MANBA: variants seen among roughly 807,000 people sequenced by gnomAD.
The protein encoded by MANBA is mannosidase beta.
Under a neutral mutation model 111.1 loss-of-function variants are expected in MANBA, and 83 were observed. The observed-to-expected ratio is 0.75, with a 90% CI of 0.63 to 0.90. MANBA has a LOEUF of 0.90. MANBA is among the 40% of genes least tolerant of loss of function. MANBA has a pLI of 0.00. For synonymous variants in MANBA, 370 were observed against 378.7 expected, an observed-to-expected ratio of 0.98 and a Z score of 0.27; for missense variants, 1,036 against 1,069.0, an observed-to-expected ratio of 0.97 and a Z score of 0.43.
rs79753057 is a variant in MANBA, at chr4:102,668,642, C to A, written c.1317+321G>T. The A allele has an allele frequency of 6.1e-3, 1,805 of 294,286 alleles. 30 individuals carry two copies. The highest frequency in any genetic ancestry group is 0.037 in the African/African-American group (1,696 of 45,618). The allele number at this position is 294,286 out of a possible 1,614,324, so 18.2% of individuals were successfully genotyped here. On this transcript the variant is annotated intron_variant, in intron 10 of 16. Coordinates refer to ENST00000647097, the MANE Select transcript of MANBA (RefSeq NM_005908.4). ...AAGAAGCAAGATTGGGGAGGGGGTG[C>A]AATATAAGTTTAGTTTGTACATGTT...
chr4:102,734,565 G>C, intron 1 of MANBA: 2 of 1,608,026 alleles, frequency 1.2e-6, no homozygotes, highest in Non-Finnish European at 1.7e-6. Flanking sequence ...CAAGGCTACT[G>C]TTCCTTCTGT....
intron 7 of MANBA, among the ~76,000 whole-genome samples, chr4:102,680,549 T>G (rs773670027): frequency 6.7e-6 from 1 of 150,134 alleles, no homozygotes; most frequent in East Asian, 2.0e-4. Flanking sequence ...TGAGGTGAGA[T>G]GAGAAAGAAT....
chr4:102,734,455 A>G, intron 1 of MANBA: 2 of 1,605,938 alleles, frequency 1.2e-6, no homozygotes, highest in Non-Finnish European at 1.7e-6. Context: ...GCCATCTTCC[A>G]GCTCATCTGT....
intron 4 of MANBA, among the ~76,000 whole-genome samples, chr4:102,721,030 A>C (rs1269689196): frequency 2.0e-5 from 3 of 152,234 alleles, no homozygotes; most frequent in Non-Finnish European, 2.9e-5. Context: ...CAATCATTAC[A>C]TTTGTTGTTA....
intron 5 of MANBA, among the ~76,000 whole-genome samples, chr4:102,699,452 GC>G (rs1241829256): frequency 6.6e-6 from 1 of 151,752 alleles, no homozygotes; most frequent in African/African-American, 2.4e-5. Flanking sequence ...CAAAGGGAAT[GC>G]TTCCAGTTTT....
Position 102,690,585 on chromosome 4 carries a change from C to G in MANBA, c.849+11G>C. ...TTCATCCAGTGCTTCTCAGGAAGTA[C>G]CATCATTTACCTTGCTAATGTTCAC... On this transcript the variant is annotated intron_variant, in intron 6 of 16. Coordinates refer to ENST00000647097, the MANE Select transcript of MANBA (RefSeq NM_005908.4). 6.2e-7 allele frequency: 1 copy of G among 1,607,302 alleles called. No homozygotes were observed. The highest frequency in any genetic ancestry group is 8.5e-7 in the Non-Finnish European group (1 of 1,175,256).
rs370804078 is a variant in MANBA, at chr4:102,650,642, G to C, written c.1764C>G (p.His588Gln). Residue 588 changes from histidine (H) to glutamine (Q), a missense_variant, in exon 13 of 17, where the codon CAC becomes CAG. By Grantham distance (24) the His-to-Gln change is conservative. Coordinates refer to ENST00000647097, the MANE Select transcript of MANBA (RefSeq NM_005908.4). The stretch of plus-strand genomic sequence containing the variant: ...AAAGCATTTGTTTGTTACCACCTTC[G>C]TGATGTTGTCGATGAAGTGAAAACT... ...NSKFSLHRQH[H>Q]EGGNKQMLYQ... The C allele has an allele frequency of 1.2e-6, 2 of 1,613,232 alleles. No individual in the cohort carries two copies. The highest frequency in any genetic ancestry group is 4.5e-5 in the East Asian group (2 of 44,864).
intron 11 of MANBA, among the ~76,000 whole-genome samples, chr4:102,661,177 A>G (rs1730932051): frequency 6.6e-6 from 1 of 152,180 alleles, no homozygotes; most frequent in Admixed American, 6.5e-5. Context: ...GTACTACTAG[A>G]CAATGCTTTG....
intron 1 of MANBA, among the ~76,000 whole-genome samples, chr4:102,758,837 C>A (rs999465646): frequency 4.6e-5 from 7 of 152,090 alleles, no homozygotes; most frequent in African/African-American, 1.4e-4. Flanking sequence ...TGATTATTTT[C>A]AACAGGCCTT....
chr4:102,677,254 A>T (rs1444456842), intron 7 of MANBA, among the ~76,000 whole-genome samples: 1 of 152,212 alleles, frequency 6.6e-6, no homozygotes, highest in African/African-American at 2.4e-5. Context: ...AAGAAAAACA[A>T]CTAGCAGTAT....
chr4:102,722,830 G>T, intron 4 of MANBA, 41 bp downstream of exon 4: 1 of 1,587,832 alleles, frequency 6.3e-7, no homozygotes, highest in Non-Finnish European at 8.6e-7. Flanking sequence ...AGCACACCCC[G>T]TCCTCAAAAA....
At chr4:102,729,004 G>C in intron 1 of MANBA, 1 of 964,362 alleles carries the variant, frequency 1.0e-6, no homozygotes, top group Non-Finnish European at 1.7e-6. Flanking sequence ...GCTTCCTGTA[G>C]GTGGCTATCT....
At chr4:102,706,786 G>A (rs531121740) in intron 5 of MANBA, among the ~76,000 whole-genome samples, 1 of 152,178 alleles carries the variant, frequency 6.6e-6, no homozygotes, top group South Asian at 2.1e-4. Context: ...TTCTGGAACT[G>A]AAGAATCTAG....
intron 5 of MANBA, among the ~76,000 whole-genome samples, chr4:102,712,785 TC>T (rs1425519192): frequency 6.6e-6 from 1 of 152,138 alleles, no homozygotes; most frequent in Non-Finnish European, 1.5e-5. Context: ...CACTTTGGCC[TC>T]CCAAAGTGCT....
intron 15 of MANBA, among the ~76,000 whole-genome samples, 170 bp downstream of exon 15, chr4:102,635,695 G>A (rs747016768): frequency 6.6e-6 from 1 of 152,198 alleles, no homozygotes; most frequent in Non-Finnish European, 1.5e-5. Flanking sequence ...AACAAGATGT[G>A]AAGGGTTTTG....
intron 11 of MANBA, among the ~76,000 whole-genome samples, chr4:102,663,545 T>C (rs895181526): frequency 5.3e-5 from 8 of 152,232 alleles, no homozygotes; most frequent in African/African-American, 1.9e-4. Context: ...ATGACACATG[T>C]CTTAGTATAT....
intron 13 of MANBA, among the ~76,000 whole-genome samples, chr4:102,643,588 G>A (rs1560743838): frequency 6.6e-6 from 1 of 152,058 alleles, no homozygotes; most frequent in Non-Finnish European, 1.5e-5. Context: ...AAAATTTGTA[G>A]ATATTGTAGT....
Position 102,669,134 on chromosome 4 carries a change from A to C in MANBA, c.1231-85T>G, listed in dbSNP as rs1172377553. On this transcript the variant is annotated intron_variant, in intron 9 of 16. Transcript: ENST00000647097. The stretch of plus-strand genomic sequence containing the variant: ...GTCTTTATTCTGAGCTCTGGGCATT[A>C]TCTTTCACACAAATGAAAAATCCAG... The C allele has an allele frequency of 2.9e-6, 3 of 1,049,472 alleles. No individual in the cohort carries two copies. In the African/African-American group the frequency reaches 4.7e-5, roughly 17 times the overall value. 65.0% of individuals were successfully genotyped at this position (1,049,472 alleles called of 1,614,324 possible). A position where few individuals can be genotyped will look rare whatever the true frequency, so the allele number is the denominator to read the frequency against.
In MANBA at chr4:102,723,887, TC is replaced by T; in HGVS notation, c.352del (p.Glu118LysfsTer20). 6.2e-7 allele frequency: 1 copy of T among 1,602,402 alleles called. No homozygotes were observed. The highest frequency in any genetic ancestry group is 1.1e-5 in the South Asian group (1 of 90,654). On this transcript the variant is annotated frameshift_variant, in exon 3 of 17. Coordinates refer to ENST00000647097, the MANE Select transcript of MANBA (RefSeq NM_005908.4). LOFTEE classifies it high-confidence loss of function. ...ATATCTATTGAACATATTGTCTGTT[TC>T]CCCAATAGTGACTTCATTGAACAGG... The part of the protein sequence containing the change: ...KILFNEVTIG[E>X]TDNMFNRYSF...
Sources: gnomAD v4.1 joint callset for allele counts (sites outside exome capture counted in the v4.1 genomes callset) on GRCh38, gnomAD v4.1.1 for gene constraint, MANE v1.5 for transcripts, NCBI Gene and HGNC (gene_info 2026-07-23, HGNC 2026-07-21) for gene names.